TCERG1L: variants seen among roughly 807,000 people sequenced by gnomAD.
TCERG1L encodes transcription elongation regulator 1-like protein.
In TCERG1L, 37 loss-of-function variants were observed where a neutral mutation model predicts 56.3. That is an observed-to-expected ratio of 0.66 (90% confidence interval 0.51 to 0.87). TCERG1L has a LOEUF of 0.87. Ranked by LOEUF, TCERG1L falls within the 40% of genes least tolerant of loss-of-function variation. TCERG1L has a pLI of 0.00. For synonymous variants in TCERG1L, 324 were observed against 326.3 expected (o/e 0.99, Z 0.08); for missense variants, 799 against 774.2 (o/e 1.03, Z -0.38).
chr10:131,289,126 G>A (rs1003301443), intron 3 of TCERG1L, among the ~76,000 whole-genome samples: 5 of 149,212 alleles, frequency 3.4e-5, no homozygotes, highest in South Asian at 4.3e-4. Flanking sequence ...AGATTGCTTC[G>A]CTATAGTAAA....
At chr10:131,280,502 G>T (rs1846439730) in intron 3 of TCERG1L, among the ~76,000 whole-genome samples, 1 of 151,890 alleles carries the variant, frequency 6.6e-6, no homozygotes, top group Admixed American at 6.6e-5. Flanking sequence ...TTCCTGATGA[G>T]CCTCTCCAAA....
intron 6 of TCERG1L, among the ~76,000 whole-genome samples, chr10:131,150,619 G>A (rs1203879960): frequency 6.6e-6 from 1 of 152,208 alleles, no homozygotes; most frequent in Non-Finnish European, 1.5e-5. Flanking sequence ...TGAAAGAGGT[G>A]AGAGGATGAC....
At chr10:131,262,463 TGCCTATGATGAGCATATACA>T (rs909325536) in intron 3 of TCERG1L, among the ~76,000 whole-genome samples, 2 of 152,240 alleles carry the variant, frequency 1.3e-5, no homozygotes, top group African/African-American at 4.8e-5. Context: ...CTTTTGGAAT[TGCCTATGATGAGCATATACA>T]GCTATTTTAA....
At chr10:131,172,411 A>G (rs1381398358) in intron 4 of TCERG1L, among the ~76,000 whole-genome samples, 2 of 152,152 alleles carry the variant, frequency 1.3e-5, no homozygotes, top group East Asian at 1.9e-4. Context: ...TTTGAAACCA[A>G]CCTCCTCTGA....
intron 4 of TCERG1L, among the ~76,000 whole-genome samples, chr10:131,179,986 T>C (rs1004051761): frequency 7.9e-5 from 12 of 152,258 alleles, no homozygotes; most frequent in Middle Eastern, 3.4e-3. Flanking sequence ...GTTAAAAATA[T>C]GTGCCAAGCA....
chr10:131,210,875 G>A (rs1235640621), intron 4 of TCERG1L, among the ~76,000 whole-genome samples: 1 of 152,142 alleles, frequency 6.6e-6, no homozygotes, highest in Non-Finnish European at 1.5e-5. Flanking sequence ...AAATCAGGGA[G>A]GCATGGCAAG....
chr10:131,202,105 A>G lies in TCERG1L; in HGVS notation c.857-35220T>C, dbSNP rs945168606. On this transcript the variant is annotated intron_variant, in intron 4 of 11. Transcript: ENST00000368642. ...GATTTATATTAATCCATTTCTTTCC[A>G]GAAGCGTTGTACCAAACTGCATGAT... Among the ~76,000 whole-genome samples, 14 of 152,320 alleles carry G rather than the reference A, an allele frequency of 9.2e-5. 1 individual carries two copies. In the South Asian group the frequency reaches 2.9e-3, roughly 32 times the overall value.
chr10:131,221,768 C>T (rs927610349), intron 4 of TCERG1L, among the ~76,000 whole-genome samples: 20 of 152,200 alleles, frequency 1.3e-4, no homozygotes, highest in African/African-American at 4.1e-4. Flanking sequence ...GAGGGCAGCC[C>T]GGTCTGCTTT....
At chr10:131,107,859 G>A (rs541305311) in intron 9 of TCERG1L, among the ~76,000 whole-genome samples, 60 of 151,832 alleles carry the variant, frequency 4.0e-4, no homozygotes, top group Middle Eastern at 3.4e-3. Flanking sequence ...ATATACATAC[G>A]CAGGCACACA....
intron 4 of TCERG1L, among the ~76,000 whole-genome samples, chr10:131,212,872 G>A (rs1197236533): frequency 6.6e-6 from 1 of 152,252 alleles, no homozygotes; most frequent in Non-Finnish European, 1.5e-5. Flanking sequence ...ATATGAGGTA[G>A]GAAGTGTGAC....
At chr10:131,251,225 G>A (rs1342892836) in intron 4 of TCERG1L, among the ~76,000 whole-genome samples, 1 of 152,040 alleles carries the variant, frequency 6.6e-6, no homozygotes, top group Non-Finnish European at 1.5e-5. Flanking sequence ...CCACTCCCAC[G>A]CCCTTCTGCC....
chr10:131,200,906 G>A (rs1014817635), intron 4 of TCERG1L, among the ~76,000 whole-genome samples: 1 of 152,104 alleles, frequency 6.6e-6, no homozygotes, highest in Non-Finnish European at 1.5e-5. Context: ...GGGGATGGAG[G>A]CCCTTATAAA....
At chr10:131,158,584 C>A (rs182397799) in intron 6 of TCERG1L, among the ~76,000 whole-genome samples, 1 of 152,352 alleles carries the variant, frequency 6.6e-6, no homozygotes, top group East Asian at 1.9e-4. Context: ...GGAATTCTTT[C>A]TGAGCCTGCT....
chr10:131,274,486 G>C (rs1158395480), intron 3 of TCERG1L, among the ~76,000 whole-genome samples: 1 of 152,190 alleles, frequency 6.6e-6, no homozygotes, highest in Non-Finnish European at 1.5e-5. Context: ...GACTTTCCCA[G>C]GCACATCCCT....
In TCERG1L at chr10:131,179,915, G is replaced by T. The variant is rs540223895; in HGVS notation, c.857-13030C>A. Among the ~76,000 whole-genome samples the T allele has an allele frequency of 3.9e-5, 6 of 152,292 alleles. No homozygotes were observed. The South Asian group carries it at 1.2e-3, about 32-fold the overall frequency. On this transcript the variant is annotated intron_variant, in intron 4 of 11. Transcript: ENST00000368642. ...CTGGAGTCCTGGAATTCTCCATTCT[G>T]CTGCTGGTGACAGCAGTTGACTTCC...
chr10:131,105,230 A>C (rs7911075), intron 9 of TCERG1L, among the ~76,000 whole-genome samples: 51,248 of 152,136 alleles, frequency 0.34, 9,898 homozygotes, highest in Non-Finnish European at 0.44. Context: ...CATTCTCATC[A>C]TGTCATAACA....
At chr10:131,272,629 G>C (rs1012367661) in intron 3 of TCERG1L, among the ~76,000 whole-genome samples, 1 of 152,128 alleles carries the variant, frequency 6.6e-6, no homozygotes, top group Non-Finnish European at 1.5e-5. Flanking sequence ...GCCTCACCTG[G>C]CCAGTGGGAG....
intron 8 of TCERG1L, among the ~76,000 whole-genome samples, chr10:131,131,591 G>A (rs991115960): frequency 5.3e-5 from 8 of 152,094 alleles, no homozygotes; most frequent in South Asian, 2.1e-4. Context: ...TTTCTCCTCC[G>A]AGAGAATTTC....
intron 4 of TCERG1L, among the ~76,000 whole-genome samples, chr10:131,230,367 G>A (rs371680624): frequency 2.0e-5 from 3 of 152,188 alleles, no homozygotes; most frequent in Non-Finnish European, 2.9e-5. Flanking sequence ...GGCCCCTTCC[G>A]CCTCCTGGGT....
Sources: gnomAD v4.1 joint callset for allele counts (sites outside exome capture counted in the v4.1 genomes callset) on GRCh38, gnomAD v4.1.1 for gene constraint, MANE v1.5 for transcripts, NCBI Gene and HGNC (gene_info 2026-07-23, HGNC 2026-07-21) for gene names.